The following PPM1L variants were observed in gnomAD, a reference collection of about 807,000 sequenced individuals.
The protein encoded by PPM1L is protein phosphatase, Mg2+/Mn2+ dependent 1L.
PPM1L carries 13 observed loss-of-function variants against 31.4 expected under a neutral mutation model. The observed-to-expected ratio is 0.41, with a 90% CI of 0.27 to 0.66. The LOEUF (loss-of-function observed/expected upper bound fraction) is 0.66. PPM1L is among the 30% of genes least tolerant of loss of function. The probability of loss-of-function intolerance (pLI) is 0.29; values close to 1 mark genes in which losing one functional copy is unlikely to be tolerated. For missense variants in PPM1L, 326 were observed against 453.7 expected, an observed-to-expected ratio of 0.72 and a Z score of 2.56; for synonymous variants, 184 against 175.4, an observed-to-expected ratio of 1.05 and a Z score of -0.39.
intron 1 of PPM1L, among the ~76,000 whole-genome samples, chr3:160,813,149 T>C (rs1189372125): frequency 1.3e-5 from 2 of 152,192 alleles, no homozygotes; most frequent in Non-Finnish European, 2.9e-5. Context: ...ATGGTTAAGA[T>C]GGCAAATTTT....
chr3:160,845,494 A>T (rs1229578548), intron 1 of PPM1L, among the ~76,000 whole-genome samples: 1 of 151,890 alleles, frequency 6.6e-6, no homozygotes, highest in African/African-American at 2.4e-5. Context: ...TTTAGATTCC[A>T]TTGAAGCTCA....
At position 161,069,415 on chromosome 3, in the gene PPM1L, T is replaced by C; in HGVS notation, c.*258T>C. 4.1e-6 allele frequency: 2 copies of C among 488,450 alleles called. No homozygotes were observed. The highest frequency in any genetic ancestry group is 7.3e-6 in the Non-Finnish European group (2 of 273,988). The allele number at this position is 488,450 out of a possible 1,614,324, so 30.3% of individuals were successfully genotyped here. A position where few individuals can be genotyped will look rare whatever the true frequency, so the allele number is the denominator to read the frequency against. ...TGTCCAAAATATATAAGTAAATAGC[T>C]GTAGAGTCACATATATGAAGTGAAT... is the stretch of plus-strand genomic sequence containing the variant. On this transcript the variant is annotated 3_prime_UTR_variant, in exon 4 of 4. Coordinates refer to ENST00000498165, the MANE Select transcript of PPM1L (RefSeq NM_139245.4).
chr3:161,016,574 A>T (rs539458959), intron 2 of PPM1L, among the ~76,000 whole-genome samples: 1 of 152,196 alleles, frequency 6.6e-6, no homozygotes, highest in Non-Finnish European at 1.5e-5. Context: ...TCTAGTAGGC[A>T]GTTCTAAATG....
chr3:160,860,478 G>A (rs1186104690), intron 1 of PPM1L, among the ~76,000 whole-genome samples: 1 of 152,114 alleles, frequency 6.6e-6, no homozygotes, highest in Non-Finnish European at 1.5e-5. Flanking sequence ...GAAAATGGTG[G>A]TATTATTAAC....
In PPM1L at chr3:160,970,787, A is replaced by ATTTT. The variant is rs71628437; in HGVS notation, c.574+8896_574+8899dup. ...CAAGCTGATTTTAATTTCAGTTATAATTTTTTTTTTTTTTTTTTTTTTGAG... is the reference window on the plus strand; with the variant it reads ...CAAGCTGATTTTAATTTCAGTTATAATTTTTTTTTTTTTTTTTTTTTTTTTTGAG... On this transcript the variant is annotated intron_variant, in intron 2 of 3. Coordinates refer to ENST00000498165, the MANE Select transcript of PPM1L (RefSeq NM_139245.4). Among the ~76,000 whole-genome samples, 2 of 97,196 alleles carry ATTTT rather than the reference A, an allele frequency of 2.1e-5. 1 individual carries two copies. Among genetic ancestry groups the ATTTT allele is most frequent in the Non-Finnish European group, 3.9e-5 (2 of 51,650 alleles). The allele number at this position is 97,196 out of a possible 152,430, so 63.8% of individuals were successfully genotyped here.
chr3:160,829,350 C>T (rs936970041), intron 1 of PPM1L, among the ~76,000 whole-genome samples: 1 of 152,102 alleles, frequency 6.6e-6, no homozygotes, highest in East Asian at 1.9e-4. Context: ...GGGAGCACAA[C>T]TGGCATATAC....
chr3:160,971,693 TTCTG>T (rs1253793312), intron 2 of PPM1L, among the ~76,000 whole-genome samples: 1 of 152,242 alleles, frequency 6.6e-6, no homozygotes, highest in Non-Finnish European at 1.5e-5. Flanking sequence ...TCTTCTTTGC[TTCTG>T]TAACTGTGGT....
At chr3:160,867,340 T>C (rs1712128813) in intron 1 of PPM1L, among the ~76,000 whole-genome samples, 1 of 151,602 alleles carries the variant, frequency 6.6e-6, no homozygotes, top group Non-Finnish European at 1.5e-5. Context: ...TTTTTTTTTT[T>C]TTTTGCATTA....
At chr3:161,001,076 G>T (rs1239368721) in intron 2 of PPM1L, among the ~76,000 whole-genome samples, 1 of 152,136 alleles carries the variant, frequency 6.6e-6, no homozygotes, top group Non-Finnish European at 1.5e-5. Flanking sequence ...TTTAAGATCT[G>T]TAAATAACTA....
At chr3:160,767,072 A>G (rs1715121178) in intron 1 of PPM1L, among the ~76,000 whole-genome samples, 1 of 152,158 alleles carries the variant, frequency 6.6e-6, no homozygotes, top group Admixed American at 6.5e-5. Flanking sequence ...TGGGTCTACA[A>G]TAACTTGGAA....
intron 2 of PPM1L, among the ~76,000 whole-genome samples, chr3:161,032,004 GACCTATC>G (rs1369005329): frequency 1.3e-5 from 2 of 152,168 alleles, no homozygotes; most frequent in African/African-American, 4.8e-5. Flanking sequence ...TAACAGGGCT[GACCTATC>G]ACCTTCTTGT....
chr3:160,944,834 A>ATATGT lies in PPM1L; in HGVS notation c.400-16899_400-16898insGTTAT, dbSNP rs1230484647. Among the ~76,000 whole-genome samples, 4 of 48,042 alleles carry ATATGT rather than the reference A, an allele frequency of 8.3e-5. 1 individual carries two copies. The highest frequency in any genetic ancestry group is 2.5e-4 in the African/African-American group (4 of 15,970). The allele number at this position is 48,042 out of a possible 152,430, so 31.5% of individuals were successfully genotyped here. On this transcript the variant is annotated intron_variant, in intron 1 of 3. Coordinates refer to ENST00000498165, the MANE Select transcript of PPM1L (RefSeq NM_139245.4). ...AACATATATATGTTATATATAACAT[A>ATATGT]TATATGTTATATATAACATATATTA...
At chr3:161,065,228 G>T (rs898684) in intron 2 of PPM1L, among the ~76,000 whole-genome samples, 175 bp from the exon 3 acceptor site, 30,869 of 152,100 alleles carry the variant, frequency 0.2, 3,276 homozygotes, top group East Asian at 0.29. Flanking sequence ...AAAATTGACT[G>T]TCAGATTTGA....
chr3:161,024,728 A>G (rs1314470416), intron 2 of PPM1L, among the ~76,000 whole-genome samples: 1 of 151,114 alleles, frequency 6.6e-6, no homozygotes, highest in Non-Finnish European at 1.5e-5. Flanking sequence ...AGCTCTGCAA[A>G]TGAGGTTTTT....
At chr3:161,032,866 A>ATTT (rs61145165) in intron 2 of PPM1L, among the ~76,000 whole-genome samples, 2 of 107,370 alleles carry the variant, frequency 1.9e-5, no homozygotes, top group African/African-American at 3.6e-5. Context: ...CTAATTTTGT[A>ATTT]TTTTTTTTTT....
intron 1 of PPM1L, among the ~76,000 whole-genome samples, chr3:160,872,655 G>C (rs986046827): frequency 6.6e-6 from 1 of 152,118 alleles, no homozygotes; most frequent in Non-Finnish European, 1.5e-5. Flanking sequence ...GGCTGGGCGC[G>C]GTGGCTTACG....
At chr3:160,942,408 G>T (rs187726618) in intron 1 of PPM1L, among the ~76,000 whole-genome samples, 63 of 152,244 alleles carry the variant, frequency 4.1e-4, no homozygotes, top group African/African-American at 1.5e-3. Flanking sequence ...ATTTTAGGAA[G>T]TTGTTCATTC....
At chr3:160,776,024 T>C (rs761418234) in intron 1 of PPM1L, among the ~76,000 whole-genome samples, 1 of 151,668 alleles carries the variant, frequency 6.6e-6, no homozygotes, top group Non-Finnish European at 1.5e-5. Flanking sequence ...ACTGATAGTG[T>C]GGGAATACCT....
chr3:160,914,859 T>C (rs542877425), intron 1 of PPM1L, among the ~76,000 whole-genome samples: 63 of 152,220 alleles, frequency 4.1e-4, no homozygotes, highest in South Asian at 1.0e-3. Context: ...CCTGAGGAAT[T>C]GCCACACTGA....
Sources: gnomAD v4.1 joint callset for allele counts (sites outside exome capture counted in the v4.1 genomes callset) on GRCh38, gnomAD v4.1.1 for gene constraint, MANE v1.5 for transcripts, NCBI Gene and HGNC (gene_info 2026-07-23, HGNC 2026-07-21) for gene names.